The following TFCP2L1 variants were observed in gnomAD, a reference collection of about 807,000 sequenced individuals.
The protein encoded by TFCP2L1 is transcription factor CP2 like 1.
A neutral mutation model predicts 72.2 loss-of-function variants in TFCP2L1; 12 were observed. The observed-to-expected ratio is 0.17, with a 90% CI of 0.11 to 0.27. TFCP2L1 has a LOEUF of 0.27. Ranked by LOEUF, TFCP2L1 falls within the 10% of genes least tolerant of loss-of-function variation. TFCP2L1 has a pLI of 1.00. For synonymous variants in TFCP2L1, 260 were observed against 251.0 expected (o/e 1.04, Z -0.34); for missense variants, 488 against 624.6 (o/e 0.78, Z 2.33).
chr2:121,270,771 G>A (rs138914261), intron 2 of TFCP2L1, among the ~76,000 whole-genome samples: 1 of 152,048 alleles, frequency 6.6e-6, no homozygotes, highest in African/African-American at 2.4e-5. Context: ...AGGAGGCTGA[G>A]GAGGGGAAAA....
Position 121,226,520 on chromosome 2 carries a change from C to T in TFCP2L1, c.1342-907G>A, listed in dbSNP as rs563395651. Among the ~76,000 whole-genome samples the T allele has an allele frequency of 1.9e-4, 29 of 151,978 alleles. 1 individual carries two copies. In the South Asian group the frequency reaches 6.1e-3, roughly 32 times the overall value. Reference sequence around the variant, plus strand: ...AATAAAATGTTTTTAAAAATAGAAACCTTGGTACTTAGTAGGATCTGCACA... The same window carrying T: ...AATAAAATGTTTTTAAAAATAGAAATCTTGGTACTTAGTAGGATCTGCACA... On this transcript the variant is annotated intron_variant, in intron 13 of 14. Transcript: ENST00000263707.
chr2:121,281,615 G>A (rs1343006806), intron 1 of TFCP2L1, among the ~76,000 whole-genome samples: 1 of 152,078 alleles, frequency 6.6e-6, no homozygotes, highest in Non-Finnish European at 1.5e-5. Flanking sequence ...CATTTATTTG[G>A]TTTCTATCCA....
rs1000550282 is a variant in TFCP2L1, at chr2:121,217,769, G to C, written c.*6572C>G. 2.0e-5 allele frequency: 3 copies of C among 152,300 alleles called. No homozygotes were observed. Among genetic ancestry groups the C allele is most frequent in the Admixed American group, 6.5e-5 (1 of 15,280 alleles). 9.4% of individuals were successfully genotyped at this position (152,300 alleles called of 1,614,324 possible). A position where few individuals can be genotyped will look rare whatever the true frequency, so the allele number is the denominator to read the frequency against. On this transcript the variant is annotated 3_prime_UTR_variant, in exon 15 of 15. Transcript: ENST00000263707. ...CCTTCTCCACGCATCAACCCTGAGG[G>C]ACCTGGCCAGGGGATGCAGACCAAA...
rs546398641 is a variant in TFCP2L1 at position 121,240,970 on chromosome 2, G to A, written c.769-1321C>T. Among the ~76,000 whole-genome samples the A allele has an allele frequency of 1.6e-4, 25 of 152,270 alleles. No individual in the cohort carries two copies. In the South Asian group the frequency reaches 3.3e-3, roughly 20 times the overall value. On this transcript the variant is annotated intron_variant, in intron 7 of 14. Transcript: ENST00000263707. ...CACACATACACACATACAGCTGCTC[G>A]TCAGCCAAGACCGGGCCACTGTTCT...
rs1032521167 is a variant in TFCP2L1 at position 121,285,192 on chromosome 2, G to C, written c.-83C>G. On this transcript the variant is annotated 5_prime_UTR_variant, in exon 1 of 15. Coordinates refer to ENST00000263707, the MANE Select transcript of TFCP2L1 (RefSeq NM_014553.3). ...GCCGAGGACCCAGCGGCGGCTTCGC[G>C]CTCCGAACCCGCGGTGCCGGCCGGC... The C allele has an allele frequency of 8.2e-7, 1 of 1,223,872 alleles. No individual in the cohort carries two copies. The highest frequency in any genetic ancestry group is 1.0e-6 in the Non-Finnish European group (1 of 956,136). 75.8% of individuals were successfully genotyped at this position (1,223,872 alleles called of 1,614,324 possible). A position where few individuals can be genotyped will look rare whatever the true frequency, so the allele number is the denominator to read the frequency against.
chr2:121,227,714 A>G (rs1279290458), intron 13 of TFCP2L1, among the ~76,000 whole-genome samples: 1 of 77,584 alleles, frequency 1.3e-5, no homozygotes, highest in East Asian at 2.6e-4. Flanking sequence ...ATATATAAAC[A>G]TACAATACAC....
At chr2:121,252,252 G>GC (rs1686627604) in intron 2 of TFCP2L1, among the ~76,000 whole-genome samples, 1 of 152,096 alleles carries the variant, frequency 6.6e-6, no homozygotes, top group African/African-American at 2.4e-5. Context: ...TCACTATGTT[G>GC]CCAAGGCTGG....
chr2:121,256,289 A>G (rs761816487), intron 2 of TFCP2L1, among the ~76,000 whole-genome samples: 5 of 139,514 alleles, frequency 3.6e-5, no homozygotes, highest in Non-Finnish European at 7.6e-5. Context: ...GTCATGGCAC[A>G]CTAAAGCCAT....
At chr2:121,248,362 G>A (rs369386032) in intron 4 of TFCP2L1, 92 bp from the exon 5 acceptor site, 30 of 1,005,962 alleles carry the variant, frequency 3.0e-5, no homozygotes, top group South Asian at 1.2e-4. Context: ...CAATTCCTTC[G>A]CCCCAATTTG....
chr2:121,233,937 G>A (rs1250980383), intron 12 of TFCP2L1, among the ~76,000 whole-genome samples, 154 bp downstream of exon 12: 1 of 152,222 alleles, frequency 6.6e-6, no homozygotes, highest in Non-Finnish European at 1.5e-5. Context: ...CATGCAAGGA[G>A]CATGCACTAG....
rs985517096 is a variant in TFCP2L1, at chr2:121,223,759, T to G, written c.*582A>C. 1 of 158,284 alleles carries G rather than the reference T, an allele frequency of 6.3e-6. No individual in the cohort carries two copies. The highest frequency in any genetic ancestry group is 1.4e-5 in the Non-Finnish European group (1 of 70,958). The allele number at this position is 158,284 out of a possible 1,614,324, so 9.8% of individuals were successfully genotyped here. On this transcript the variant is annotated 3_prime_UTR_variant, in exon 15 of 15. Transcript: ENST00000263707. ...GAAGAAAGAGGTAGAAGGCACAGAA[T>G]AGCCCCACTCCCATCAATTCATCCA...
At chr2:121,246,568 A>C (rs1686487418) in intron 6 of TFCP2L1, among the ~76,000 whole-genome samples, 1 of 152,228 alleles carries the variant, frequency 6.6e-6, no homozygotes, top group South Asian at 2.1e-4. Context: ...ACGGACATCC[A>C]TGCCGATGCT....
chr2:121,249,842 G>A (rs1450909257), intron 2 of TFCP2L1, among the ~76,000 whole-genome samples, 195 bp from the exon 3 acceptor site: 1 of 152,180 alleles, frequency 6.6e-6, no homozygotes, highest in East Asian at 1.9e-4. Flanking sequence ...CCGCCAGGTC[G>A]GGCCTAGGAT....
Position 121,234,077 on chromosome 2 carries a change from T to TCCCCACAA in TFCP2L1, c.1198+6_1198+13dup. On this transcript the variant is annotated intron_variant, in intron 12 of 14. Transcript: ENST00000263707. ...CCCAATGTGTGGGTCCCAGCTCTGCTCCCCACAACTCACCAGACAGGTTGC... is the reference window on the plus strand; with the variant it reads ...CCCAATGTGTGGGTCCCAGCTCTGCTCCCCACAACCCCACAACTCACCAGACAGGTTGC... 1 of 1,610,916 alleles carries TCCCCACAA rather than the reference T, an allele frequency of 6.2e-7. No homozygotes were observed. Among genetic ancestry groups the TCCCCACAA allele is most frequent in the Non-Finnish European group, 8.5e-7 (1 of 1,178,464 alleles).
intron 2 of TFCP2L1, among the ~76,000 whole-genome samples, chr2:121,263,025 T>C (rs951197664): frequency 1.3e-5 from 2 of 151,898 alleles, no homozygotes; most frequent in African/African-American, 4.8e-5. Context: ...AACCCCCATC[T>C]CCGGGGTTCA....
At chr2:121,250,763 C>A (rs1165995983) in intron 2 of TFCP2L1, among the ~76,000 whole-genome samples, 1 of 151,252 alleles carries the variant, frequency 6.6e-6, no homozygotes, top group East Asian at 2.0e-4. Flanking sequence ...CCTGCCACCA[C>A]GCCCAGCTAA....
Position 121,234,661 on chromosome 2 carries a change from G to A in TFCP2L1, c.1095-467C>T, listed in dbSNP as rs529112607. Among the ~76,000 whole-genome samples the A allele has an allele frequency of 7.9e-5, 12 of 152,336 alleles. No homozygotes were observed. The South Asian group carries it at 2.5e-3, about 32-fold the overall frequency. ...CACTCTAAAACCATGCTGTCCATGT[G>A]TGGCTATTAAAACTTAAATTCACTA... On this transcript the variant is annotated intron_variant, in intron 11 of 14. Transcript: ENST00000263707.
At chr2:121,276,052 T>C (rs1252644470) in intron 2 of TFCP2L1, among the ~76,000 whole-genome samples, 1 of 152,202 alleles carries the variant, frequency 6.6e-6, no homozygotes, top group East Asian at 1.9e-4. Flanking sequence ...ATTGCTTGCC[T>C]TACAATTTAG....
Position 121,249,090 on chromosome 2 carries a change from G to A in TFCP2L1, c.292-3C>T. On this transcript the variant is annotated splice_polypyrimidine_tract_variant and splice_region_variant and intron_variant, in intron 3 of 14. Transcript: ENST00000263707. ...TGGAAGACCACACGGATGATGCTCT[G>A]GGGAGGGAGGCCAGCAGGGAAACAA... The A allele has an allele frequency of 6.4e-7, 1 of 1,559,778 alleles. No individual in the cohort carries two copies. Among genetic ancestry groups the A allele is most frequent in the Non-Finnish European group, 8.7e-7 (1 of 1,151,024 alleles).
Sources: allele counts gnomAD v4.1 joint callset (sites outside exome capture counted in the v4.1 genomes callset), GRCh38; gene constraint gnomAD v4.1.1; transcripts MANE v1.5; gene names NCBI Gene and HGNC (gene_info 2026-07-23, HGNC 2026-07-21).